SH3RF3: variants seen among roughly 807,000 people sequenced by gnomAD.
SH3RF3 encodes the protein SH3 domain containing ring finger 3.
A neutral mutation model predicts 66.3 loss-of-function variants in SH3RF3; 29 were observed. The observed-to-expected ratio is 0.44, with a 90% CI of 0.33 to 0.60. SH3RF3 has a LOEUF of 0.60. Among genes scored for constraint, SH3RF3 ranks in the 20% least tolerant of loss-of-function variants. SH3RF3 has a pLI of 0.04. For synonymous variants in SH3RF3, 583 were observed against 532.0 expected, an observed-to-expected ratio of 1.10 and a Z score of -1.32; for missense variants, 1,194 against 1,190.9, an observed-to-expected ratio of 1.00 and a Z score of -0.04.
intron 3 of SH3RF3, among the ~76,000 whole-genome samples, chr2:109,393,076 AG>A (rs1223826597): frequency 6.6e-6 from 1 of 152,170 alleles, no homozygotes; most frequent in Non-Finnish European, 1.5e-5. Flanking sequence ...CGTCTCAGTG[AG>A]GGGAAGCTCC....
chr2:109,431,470 ATATAGG>A (rs1407749153), intron 5 of SH3RF3, among the ~76,000 whole-genome samples: 2 of 152,246 alleles, frequency 1.3e-5, no homozygotes, highest in African/African-American at 4.8e-5. Flanking sequence ...CAAGGAAAAG[ATATAGG>A]TATAGTTAAG....
chr2:109,240,923 C>T (rs755537777), intron 1 of SH3RF3, among the ~76,000 whole-genome samples: 22 of 146,694 alleles, frequency 1.5e-4, no homozygotes, highest in Non-Finnish European at 2.7e-4. Flanking sequence ...CTTCTTTTCT[C>T]ATGTTCCATC....
At chr2:109,491,717 C>T (rs1036166739) in intron 9 of SH3RF3, among the ~76,000 whole-genome samples, 5 of 152,162 alleles carry the variant, frequency 3.3e-5, no homozygotes, top group Non-Finnish European at 7.3e-5. Flanking sequence ...CGATGGCTGT[C>T]AGGTTAGGAT....
chr2:109,446,393 C>T (rs963579229), intron 7 of SH3RF3, among the ~76,000 whole-genome samples: 2 of 152,214 alleles, frequency 1.3e-5, no homozygotes, highest in African/African-American at 4.8e-5. Context: ...CATGGAGCTC[C>T]GTTGCACAGT....
intron 1 of SH3RF3, among the ~76,000 whole-genome samples, chr2:109,330,857 C>T (rs1160854609): frequency 6.6e-6 from 1 of 152,156 alleles, no homozygotes; most frequent in Middle Eastern, 3.2e-3. Flanking sequence ...AAGCAGGATC[C>T]CTCTTAAGGG....
intron 1 of SH3RF3, among the ~76,000 whole-genome samples, chr2:109,320,625 T>G (rs1383226203): frequency 6.6e-6 from 1 of 152,242 alleles, no homozygotes; most frequent in East Asian, 1.9e-4. Context: ...CCAAAATCAG[T>G]GCTGGATTCC....
At chr2:109,371,248 G>A (rs1323323686) in intron 2 of SH3RF3, among the ~76,000 whole-genome samples, 1 of 152,220 alleles carries the variant, frequency 6.6e-6, no homozygotes, top group Non-Finnish European at 1.5e-5. Flanking sequence ...AAATTAGCTG[G>A]GTGTGGTGGC....
In SH3RF3 at chr2:109,501,850, A is replaced by C; in HGVS notation, c.*179A>C. 2 of 575,792 alleles carry C rather than the reference A, an allele frequency of 3.5e-6. No individual in the cohort carries two copies. Among genetic ancestry groups the C allele is most frequent in the South Asian group, 2.2e-5 (1 of 44,900 alleles). 35.7% of individuals were successfully genotyped at this position (575,792 alleles called of 1,614,324 possible). ...TGTGGAGGTCGTGCCTTCTCCCAAA[A>C]CCCCCAAACGGAGAGCACACCTGGG... On this transcript the variant is annotated 3_prime_UTR_variant, in exon 10 of 10. Transcript: ENST00000309415.
intron 4 of SH3RF3, among the ~76,000 whole-genome samples, chr2:109,406,107 T>A (rs898534085): frequency 6.6e-6 from 1 of 152,128 alleles, no homozygotes; most frequent in Admixed American, 6.5e-5. Context: ...CTGCTCATGT[T>A]TGCACCCCTA....
intron 1 of SH3RF3, among the ~76,000 whole-genome samples, chr2:109,221,690 C>G (rs1242632900): frequency 6.6e-6 from 1 of 151,908 alleles, no homozygotes; most frequent in East Asian, 1.9e-4. Context: ...ATGTCTCTTC[C>G]TTTCCTTCCC....
At position 109,256,178 on chromosome 2, in the gene SH3RF3, G is replaced by A. The variant is rs1680216988; in HGVS notation, c.574-91496G>A. Reference sequence around the variant, plus strand: ...AGCACCTGGCGGAGGCCCTCACTGAGTCCTGTCCCCTGAGTGGAGGTGAAA... The same window carrying A: ...AGCACCTGGCGGAGGCCCTCACTGAATCCTGTCCCCTGAGTGGAGGTGAAA... On this transcript the variant is annotated intron_variant, in intron 1 of 9. Transcript: ENST00000309415. Among the ~76,000 whole-genome samples, 5 of 152,280 alleles carry A rather than the reference G, an allele frequency of 3.3e-5. 1 individual carries two copies. In the South Asian group the frequency reaches 1.0e-3, roughly 32 times the overall value.
At chr2:109,462,187 T>C (rs1678223653) in intron 8 of SH3RF3, among the ~76,000 whole-genome samples, 1 of 149,712 alleles carries the variant, frequency 6.7e-6, no homozygotes, top group Non-Finnish European at 1.5e-5. Context: ...GGCCATCTCG[T>C]ATGACATCTT....
chr2:109,411,928 G>C (rs10195144), intron 4 of SH3RF3, among the ~76,000 whole-genome samples: 85,899 of 152,128 alleles, frequency 0.56, 24,803 homozygotes, highest in African/African-American at 0.66. Flanking sequence ...AGTGAAGCCG[G>C]CAGAATGTCT....
At chr2:109,471,595 C>T (rs965820762) in intron 8 of SH3RF3, among the ~76,000 whole-genome samples, 2 of 152,182 alleles carry the variant, frequency 1.3e-5, no homozygotes, top group Non-Finnish European at 2.9e-5. Context: ...ATCATTGGAA[C>T]AGCTCATGTA....
At chr2:109,225,743 A>G (rs1011391091) in intron 1 of SH3RF3, among the ~76,000 whole-genome samples, 2 of 152,224 alleles carry the variant, frequency 1.3e-5, no homozygotes, top group Admixed American at 1.3e-4. Context: ...ATTTATTTTT[A>G]TAAGTTAGTT....
chr2:109,480,737 C>A (rs1221589632), intron 8 of SH3RF3, among the ~76,000 whole-genome samples: 1 of 152,140 alleles, frequency 6.6e-6, no homozygotes, highest in Non-Finnish European at 1.5e-5. Flanking sequence ...CCCCTCCTCT[C>A]CTCCTGGATC....
At chr2:109,324,324 T>TG (rs1682099432) in intron 1 of SH3RF3, among the ~76,000 whole-genome samples, 1 of 152,184 alleles carries the variant, frequency 6.6e-6, no homozygotes, top group Admixed American at 6.5e-5. Context: ...GTAGGGGTAC[T>TG]GGGTCGCATG....
At chr2:109,326,630 A>G (rs1682163894) in intron 1 of SH3RF3, among the ~76,000 whole-genome samples, 1 of 152,190 alleles carries the variant, frequency 6.6e-6, no homozygotes, top group Non-Finnish European at 1.5e-5. Flanking sequence ...TTTGGGGACC[A>G]TTTGTGTTCA....
intron 2 of SH3RF3, among the ~76,000 whole-genome samples, chr2:109,356,363 T>C (rs979800165): frequency 6.6e-6 from 1 of 152,200 alleles, no homozygotes; most frequent in Non-Finnish European, 1.5e-5. Flanking sequence ...GCCACCACAC[T>C]GCAGCTAGGT....
Sources: allele counts gnomAD v4.1 joint callset (sites outside exome capture counted in the v4.1 genomes callset), GRCh38; gene constraint gnomAD v4.1.1; transcripts MANE v1.5; gene names NCBI Gene and HGNC (gene_info 2026-07-23, HGNC 2026-07-21).